Variants in ROBO2 observed in about 807,000 individuals in gnomAD.
The protein encoded by ROBO2 is roundabout homolog 2.
Under a neutral mutation model 160.8 loss-of-function variants are expected in ROBO2, and 53 were observed. The observed-to-expected ratio is 0.33, with a 90% confidence interval of 0.26 to 0.41. The LOEUF is 0.41. Among genes scored for constraint, ROBO2 ranks in the 10% least tolerant of loss-of-function variants. The pLI is 1.00. For synonymous variants in ROBO2, 664 were observed against 611.7 expected (o/e 1.09, Z -1.26); for missense variants, 1,577 against 1,722.4 (o/e 0.92, Z 1.49).
At chr3:77,166,257 C>G (rs1000586818) in intron 2 of ROBO2, among the ~76,000 whole-genome samples, 1 of 150,532 alleles carries the variant, frequency 6.6e-6, no homozygotes, top group African/African-American at 2.4e-5. Flanking sequence ...AACTCTGTCT[C>G]AAAATTTAAA....
intron 2 of ROBO2, among the ~76,000 whole-genome samples, chr3:76,805,844 TC>T (rs1471527587): frequency 6.6e-6 from 1 of 151,844 alleles, no homozygotes; most frequent in Non-Finnish European, 1.5e-5. Context: ...TAAATTAAAG[TC>T]CCCCTCTGTA....
At chr3:77,040,766 A>G (rs375963663) in exon 1 of ROBO2, 428 of 1,613,804 alleles carry the variant, frequency 2.7e-4, no homozygotes, top group Non-Finnish European at 3.5e-4. Flanking sequence ...AAGAATCTGG[A>G]TCCTTTTTAA....
At chr3:76,950,999 A>T (rs1190083218) in intron 2 of ROBO2, among the ~76,000 whole-genome samples, 1 of 152,182 alleles carries the variant, frequency 6.6e-6, no homozygotes, top group East Asian at 1.9e-4. Context: ...AAGTGCTGGA[A>T]TTACAGGCGT....
chr3:76,973,448 T>G (rs1483298179), intron 2 of ROBO2, among the ~76,000 whole-genome samples: 1 of 152,054 alleles, frequency 6.6e-6, no homozygotes, highest in Non-Finnish European at 1.5e-5. Flanking sequence ...AACATTATAT[T>G]AATAAGAATA....
intron 2 of ROBO2, among the ~76,000 whole-genome samples, chr3:76,020,715 A>G (rs906763907): frequency 5.3e-5 from 8 of 151,764 alleles, no homozygotes; most frequent in African/African-American, 1.9e-4. Context: ...TCTGTGGTTT[A>G]TCTACATGCT....
At chr3:76,386,345 CCCTCCCTCCCTCCCTTCCTT>C (rs1182103546) in intron 2 of ROBO2, among the ~76,000 whole-genome samples, 1,866 of 124,024 alleles carry the variant, frequency 0.015, 52 homozygotes, top group African/African-American at 0.053. Flanking sequence ...CTCCCTCCCT[CCCTCCCTCCCTCCCTTCCTT>C]CCTCCCCTCC....
At chr3:77,103,018 C>T (rs886324197) in intron 2 of ROBO2, among the ~76,000 whole-genome samples, 8 of 152,072 alleles carry the variant, frequency 5.3e-5, no homozygotes, top group Non-Finnish European at 7.4e-5. Context: ...CCAATGGGAC[C>T]ACCAGGAGAG....
chr3:76,669,927 A>T (rs374107628), intron 2 of ROBO2, among the ~76,000 whole-genome samples: 3 of 152,280 alleles, frequency 2.0e-5, no homozygotes, highest in South Asian at 4.1e-4. Flanking sequence ...TTGTTTTCTT[A>T]TACTACCCAA....
chr3:76,275,709 T>G (rs1008977489), intron 2 of ROBO2, among the ~76,000 whole-genome samples: 2 of 152,194 alleles, frequency 1.3e-5, no homozygotes, highest in African/African-American at 4.8e-5. Flanking sequence ...AAAAACCTAC[T>G]TTCTGGGCAT....
At chr3:76,220,324 T>TAAA (rs942616306) in intron 2 of ROBO2, among the ~76,000 whole-genome samples, 1 of 151,094 alleles carries the variant, frequency 6.6e-6, no homozygotes, top group African/African-American at 2.4e-5. Flanking sequence ...ACTTAAAGTA[T>TAAA]AATAATAATA....
chr3:76,834,423 G>GGCACCATC (rs1203483019), intron 2 of ROBO2, among the ~76,000 whole-genome samples: 1 of 151,664 alleles, frequency 6.6e-6, no homozygotes, highest in African/African-American at 2.4e-5. Flanking sequence ...GGAGTGCAGG[G>GGCACCATC]GCACCATCTT....
chr3:76,991,719 G>GA (rs2060675058), intron 2 of ROBO2, among the ~76,000 whole-genome samples: 1 of 152,162 alleles, frequency 6.6e-6, no homozygotes. Flanking sequence ...TGCATAGCAT[G>GA]AATATCCTGA....
chr3:76,987,937 G>A (rs540983471), intron 2 of ROBO2, among the ~76,000 whole-genome samples: 2 of 152,058 alleles, frequency 1.3e-5, no homozygotes, highest in South Asian at 2.1e-4. Context: ...AAAATTAAGT[G>A]ATATTAAAAT....
intron 2 of ROBO2, among the ~76,000 whole-genome samples, chr3:76,948,299 C>G (rs895391095): frequency 2.4e-4 from 36 of 152,022 alleles, no homozygotes; most frequent in African/African-American, 6.0e-4. Flanking sequence ...ATTTGAGATT[C>G]ATTTTTGTTT....
At chr3:76,972,310 AT>A (rs1490791370) in intron 2 of ROBO2, among the ~76,000 whole-genome samples, 1 of 151,810 alleles carries the variant, frequency 6.6e-6, no homozygotes. Flanking sequence ...GTTTATTTGG[AT>A]TGATTTCCTT....
At chr3:77,165,961 T>G (rs2079036647) in intron 2 of ROBO2, among the ~76,000 whole-genome samples, 4 of 152,240 alleles carry the variant, frequency 2.6e-5, no homozygotes, top group Admixed American at 2.6e-4. Flanking sequence ...GTTACTATTT[T>G]GCTGAAGTCT....
intron 2 of ROBO2, among the ~76,000 whole-genome samples, chr3:77,277,987 A>C (rs1399918687): frequency 1.3e-5 from 2 of 152,136 alleles, no homozygotes; most frequent in African/African-American, 4.8e-5. Context: ...TTAACTTTTT[A>C]ATAATCACCA....
intron 2 of ROBO2, among the ~76,000 whole-genome samples, chr3:76,648,058 C>T (rs2091066648): frequency 6.6e-6 from 1 of 151,732 alleles, no homozygotes; most frequent in South Asian, 2.1e-4. Context: ...TTTTTTAATT[C>T]TTATATTCTT....
intron 2 of ROBO2, among the ~76,000 whole-genome samples, chr3:77,010,193 T>TGA (rs1398356492): frequency 6.6e-6 from 1 of 152,086 alleles, no homozygotes; most frequent in Admixed American, 6.6e-5. Flanking sequence ...AAATTCATAT[T>TGA]AGTTTGGTGT....
Sources: gnomAD v4.1 joint callset for allele counts (sites outside exome capture counted in the v4.1 genomes callset) on GRCh38, gnomAD v4.1.1 for gene constraint, MANE v1.5 for transcripts, NCBI Gene and HGNC (gene_info 2026-07-23, HGNC 2026-07-21) for gene names.